Variants in KCNK13 observed in about 807,000 individuals in gnomAD.
KCNK13 encodes potassium channel subfamily K member 13.
A neutral mutation model predicts 23.4 loss-of-function variants in KCNK13; 12 were observed. The ratio of observed to expected loss-of-function variants is 0.51; its 90% CI spans 0.33 to 0.83. The LOEUF (loss-of-function observed/expected upper bound fraction) is 0.83, where lower values mean the gene tolerates loss of function less well. Ranked by LOEUF, KCNK13 falls within the 40% of genes least tolerant of loss-of-function variation. The pLI is 0.02. For missense variants in KCNK13, 463 were observed against 556.3 expected (o/e 0.83, Z 1.69); for synonymous variants, 231 against 229.5 (o/e 1.01, Z -0.06).
chr14:90,099,792 A>G (rs781711202), intron 1 of KCNK13, among the ~76,000 whole-genome samples: 2 of 152,158 alleles, frequency 1.3e-5, no homozygotes, highest in African/African-American at 2.4e-5. Flanking sequence ...AGGATCTGGG[A>G]CCTCTGCTCA....
chr14:90,088,477 G>A (rs559348923), intron 1 of KCNK13, among the ~76,000 whole-genome samples: 1 of 152,336 alleles, frequency 6.6e-6, no homozygotes, highest in South Asian at 2.1e-4. Context: ...TGCACAGTCA[G>A]CTCTCAGGCG....
chr14:90,090,696 G>A (rs749265681), intron 1 of KCNK13, among the ~76,000 whole-genome samples: 18 of 152,206 alleles, frequency 1.2e-4, no homozygotes, highest in African/African-American at 4.3e-4. Flanking sequence ...ATTCCCACGT[G>A]TCATGAGAGG....
intron 1 of KCNK13, among the ~76,000 whole-genome samples, chr14:90,173,125 A>C (rs1292401830): frequency 6.6e-6 from 1 of 152,238 alleles, no homozygotes; most frequent in African/African-American, 2.4e-5. Flanking sequence ...GTTCAACTTG[A>C]TTAGACATGA....
intron 1 of KCNK13, among the ~76,000 whole-genome samples, chr14:90,146,056 T>C (rs1399556832): frequency 6.6e-6 from 1 of 152,196 alleles, no homozygotes; most frequent in Non-Finnish European, 1.5e-5. Flanking sequence ...TGTTGAAATC[T>C]TAAGCCCTAA....
At chr14:90,147,084 G>A (rs1890081327) in intron 1 of KCNK13, among the ~76,000 whole-genome samples, 1 of 152,118 alleles carries the variant, frequency 6.6e-6, no homozygotes, top group South Asian at 2.1e-4. Context: ...AGTATCTTAA[G>A]ATAATGTGTT....
chr14:90,106,310 C>T (rs1478098861), intron 1 of KCNK13, among the ~76,000 whole-genome samples: 1 of 152,188 alleles, frequency 6.6e-6, no homozygotes, highest in African/African-American at 2.4e-5. Flanking sequence ...CGCAGTGGCT[C>T]ACACGTGTAA....
At chr14:90,133,917 A>C (rs1158562329) in intron 1 of KCNK13, among the ~76,000 whole-genome samples, 10 of 152,146 alleles carry the variant, frequency 6.6e-5, no homozygotes, top group Admixed American at 6.5e-4. Context: ...GTATAACTCC[A>C]TGGGTGCTTC....
chr14:90,154,903 C>G (rs538273788), intron 1 of KCNK13, among the ~76,000 whole-genome samples: 7 of 152,188 alleles, frequency 4.6e-5, no homozygotes, highest in Non-Finnish European at 1.0e-4. Context: ...TGACTATGTA[C>G]TGTATGTACA....
intron 1 of KCNK13, among the ~76,000 whole-genome samples, chr14:90,178,231 CAA>C (rs34726346): frequency 0.011 from 856 of 75,090 alleles, 6 homozygotes; most frequent in African/African-American, 0.033. Flanking sequence ...TTCCTAAAAG[CAA>C]AAAAAAAAAA....
chr14:90,100,673 C>T (rs1596777766), intron 1 of KCNK13, among the ~76,000 whole-genome samples: 3 of 152,144 alleles, frequency 2.0e-5, no homozygotes, highest in Non-Finnish European at 2.9e-5. Context: ...TTTAAAATTG[C>T]ATTTGCATCT....
intron 1 of KCNK13, among the ~76,000 whole-genome samples, chr14:90,176,907 C>T (rs2140446984): frequency 6.6e-6 from 1 of 152,284 alleles, no homozygotes; most frequent in South Asian, 2.1e-4. Flanking sequence ...GTAGTCCCAG[C>T]TACTCGGGAG....
At chr14:90,118,567 C>T (rs1032547123) in intron 1 of KCNK13, among the ~76,000 whole-genome samples, 3 of 152,102 alleles carry the variant, frequency 2.0e-5, no homozygotes, top group Non-Finnish European at 2.9e-5. Context: ...TATGGACATT[C>T]GTGTACATGT....
chr14:90,139,113 C>G (rs1889972726), intron 1 of KCNK13, among the ~76,000 whole-genome samples: 1 of 152,166 alleles, frequency 6.6e-6, no homozygotes, highest in Non-Finnish European at 1.5e-5. Context: ...ACTGGAGATG[C>G]TAACTGGTGA....
intron 1 of KCNK13, among the ~76,000 whole-genome samples, chr14:90,102,808 G>A (rs1889497591): frequency 6.6e-6 from 1 of 152,148 alleles, no homozygotes; most frequent in African/African-American, 2.4e-5. Flanking sequence ...AACATTCTGG[G>A]ATTTTTTTCC....
chr14:90,093,105 G>GT (rs1272960597), intron 1 of KCNK13, among the ~76,000 whole-genome samples: 1 of 152,012 alleles, frequency 6.6e-6, no homozygotes, highest in East Asian at 1.9e-4. Flanking sequence ...AAGTGCTAGT[G>GT]TAAGTGCATC....
intron 1 of KCNK13, among the ~76,000 whole-genome samples, chr14:90,162,453 C>T (rs1475492461): frequency 6.6e-6 from 1 of 152,120 alleles, no homozygotes; most frequent in Non-Finnish European, 1.5e-5. Context: ...ATGTCAATAT[C>T]CTGGTAGTGA....
rs754997058 is a variant in KCNK13, at chr14:90,125,619, ACACACACG to A, written c.335-58490_335-58483del. 5.7e-3 allele frequency among the ~76,000 whole-genome samples: 401 copies of A among 70,282 alleles called. 2 individuals are homozygous for A. Among genetic ancestry groups the A allele is most frequent in the African/African-American group, 0.017 (319 of 18,434 alleles). 46.1% of individuals were successfully genotyped at this position (70,282 alleles called of 152,430 possible). ...CACACGCACACACACACACACACAC[ACACACACG>A]CGCACACACACACAATGATGGAGTA... On this transcript the variant is annotated intron_variant, in intron 1 of 1. Coordinates refer to ENST00000282146, the MANE Select transcript of KCNK13 (RefSeq NM_022054.4).
chr14:90,136,348 C>A (rs1303434158), intron 1 of KCNK13, among the ~76,000 whole-genome samples: 1 of 152,120 alleles, frequency 6.6e-6, no homozygotes, highest in African/African-American at 2.4e-5. Context: ...TGGCTGCTGA[C>A]TGAGGTCCGG....
intron 1 of KCNK13, among the ~76,000 whole-genome samples, chr14:90,162,301 G>C (rs1276312403): frequency 6.6e-6 from 1 of 152,204 alleles, no homozygotes. Context: ...TAAGAATTTT[G>C]TCTCTGATAA....
Sources: gnomAD v4.1 joint callset for allele counts (sites outside exome capture counted in the v4.1 genomes callset) on GRCh38, gnomAD v4.1.1 for gene constraint, MANE v1.5 for transcripts, NCBI Gene and HGNC (gene_info 2026-07-23, HGNC 2026-07-21) for gene names.